The following COPS4 variants were observed in gnomAD, a reference collection of about 807,000 sequenced individuals.
COPS4 encodes COP9 signalosome subunit 4.
COPS4 carries 8 observed loss-of-function variants against 55.1 expected under a neutral mutation model. The ratio of observed to expected loss-of-function variants is 0.15; its 90% CI spans 0.09 to 0.26. The LOEUF (loss-of-function observed/expected upper bound fraction) is 0.26. Among genes scored for constraint, COPS4 ranks in the 10% least tolerant of loss-of-function variants. The pLI is 1.00. For missense variants in COPS4, 248 were observed against 484.0 expected (o/e 0.51, Z 4.58); for synonymous variants, 185 against 165.7 (o/e 1.12, Z -0.90).
intron 9 of COPS4, among the ~76,000 whole-genome samples, chr4:83,069,576 G>C (rs1454293839): frequency 6.6e-6 from 1 of 151,998 alleles, no homozygotes; most frequent in Non-Finnish European, 1.5e-5. Flanking sequence ...GACTATTTCA[G>C]GTTTGGTTTT....
At chr4:83,071,310 A>G (rs1355147358) in intron 9 of COPS4, among the ~76,000 whole-genome samples, 3 of 152,204 alleles carry the variant, frequency 2.0e-5, no homozygotes, top group Non-Finnish European at 4.4e-5. Context: ...GCATATGATG[A>G]GTAATATAGC....
At chr4:83,040,258 C>G (rs1296382570) in intron 1 of COPS4, among the ~76,000 whole-genome samples, 2 of 152,146 alleles carry the variant, frequency 1.3e-5, no homozygotes, top group South Asian at 2.1e-4. Flanking sequence ...GTCTTTATCC[C>G]CATGAACATT....
chr4:83,035,877 G>T (rs1200988253), intron 1 of COPS4: 3 of 155,264 alleles, frequency 1.9e-5, no homozygotes, highest in African/African-American at 7.2e-5. Flanking sequence ...CACATAGGCG[G>T]AATGTGCTCA....
chr4:83,052,212 A>T (rs1369724620), intron 4 of COPS4, among the ~76,000 whole-genome samples: 1 of 152,358 alleles, frequency 6.6e-6, no homozygotes, highest in East Asian at 1.9e-4. Flanking sequence ...AGGGTAGACG[A>T]TGACAGCAGA....
intron 6 of COPS4, among the ~76,000 whole-genome samples, chr4:83,058,632 C>G (rs549326909): frequency 6.6e-6 from 1 of 152,276 alleles, no homozygotes; most frequent in South Asian, 2.1e-4. Context: ...TGGTTTCTTA[C>G]CTATCTTTCA....
chr4:83,052,587 T>C (rs1730914197), intron 4 of COPS4, among the ~76,000 whole-genome samples: 2 of 152,148 alleles, frequency 1.3e-5, no homozygotes, highest in Non-Finnish European at 2.9e-5. Context: ...ACTCTTTCAT[T>C]GCATTGCTCC....
chr4:83,055,040 T>C (rs910874922), intron 4 of COPS4, among the ~76,000 whole-genome samples: 2 of 152,262 alleles, frequency 1.3e-5, no homozygotes, highest in African/African-American at 4.8e-5. Flanking sequence ...GGAATAAATT[T>C]GCATAAATTT....
At chr4:83,059,732 T>G (rs1011227872) in intron 6 of COPS4, among the ~76,000 whole-genome samples, 3 of 152,082 alleles carry the variant, frequency 2.0e-5, no homozygotes, top group Non-Finnish European at 4.4e-5. Context: ...AGTCTCACTC[T>G]GTTGCCCAGG....
intron 1 of COPS4, among the ~76,000 whole-genome samples, chr4:83,040,292 T>C (rs1730527134): frequency 6.6e-6 from 1 of 152,246 alleles, no homozygotes; most frequent in African/African-American, 2.4e-5. Flanking sequence ...TATCATGCTC[T>C]TTCTGATAAC....
intron 1 of COPS4, among the ~76,000 whole-genome samples, chr4:83,041,140 G>A (rs1730558394): frequency 6.9e-6 from 1 of 145,384 alleles, no homozygotes. Flanking sequence ...TTGGCTTACT[G>A]CAATCTCCAC....
intron 2 of COPS4, 97 bp downstream of exon 2, chr4:83,045,802 A>G (rs1730694145): frequency 1.5e-6 from 1 of 684,682 alleles, no homozygotes; most frequent in Non-Finnish European, 2.5e-6. Context: ...TCAATATTAA[A>G]TATGCATTGA....
intron 1 of COPS4, among the ~76,000 whole-genome samples, chr4:83,045,277 A>G (rs760459017): frequency 2.6e-5 from 4 of 152,220 alleles, no homozygotes; most frequent in Non-Finnish European, 5.9e-5. Context: ...AAGGAAATTG[A>G]CTTTGTAGTT....
chr4:83,049,457 C>A, intron 3 of COPS4, 140 bp downstream of exon 3: 1 of 667,906 alleles, frequency 1.5e-6, no homozygotes, highest in Non-Finnish European at 2.3e-6. Context: ...TTTTATGATG[C>A]AAAATCAAGT....
chr4:83,060,711 T>A (rs1731143679), intron 6 of COPS4, among the ~76,000 whole-genome samples: 1 of 152,008 alleles, frequency 6.6e-6, no homozygotes, highest in Non-Finnish European at 1.5e-5. Context: ...TTCTACTTTC[T>A]TTAACATAAT....
intron 9 of COPS4, among the ~76,000 whole-genome samples, chr4:83,069,238 A>G (rs1453305270): frequency 6.6e-6 from 1 of 152,110 alleles, no homozygotes; most frequent in African/African-American, 2.4e-5. Flanking sequence ...CACCTCATTT[A>G]CACCCTGGAC....
At chr4:83,065,911 T>C (rs771238546) in intron 7 of COPS4, among the ~76,000 whole-genome samples, 24 of 152,208 alleles carry the variant, frequency 1.6e-4, no homozygotes, top group Non-Finnish European at 3.1e-4. Flanking sequence ...TCGCAGCACA[T>C]TGGGAGGCCC....
At chr4:83,041,868 C>CT (rs142078613) in intron 1 of COPS4, among the ~76,000 whole-genome samples, 2,379 of 143,942 alleles carry the variant, frequency 0.017, 27 homozygotes, top group Non-Finnish European at 0.023. Context: ...TAATTTAATA[C>CT]TTTTTTTTTT....
At chr4:83,052,211 G>A (rs963988599) in intron 4 of COPS4, among the ~76,000 whole-genome samples, 1 of 152,198 alleles carries the variant, frequency 6.6e-6, no homozygotes, top group African/African-American at 2.4e-5. Context: ...CAGGGTAGAC[G>A]ATGACAGCAG....
intron 6 of COPS4, among the ~76,000 whole-genome samples, chr4:83,060,937 G>A (rs1731150581): frequency 6.6e-6 from 1 of 151,670 alleles, no homozygotes. Flanking sequence ...GGGAGGCTGA[G>A]GCAGGAGAAT....
Sources: allele counts gnomAD v4.1 joint callset (sites outside exome capture counted in the v4.1 genomes callset), GRCh38; gene constraint gnomAD v4.1.1; transcripts MANE v1.5; gene names NCBI Gene and HGNC (gene_info 2026-07-23, HGNC 2026-07-21).